PTPRM: variants seen among roughly 807,000 people sequenced by gnomAD.
PTPRM encodes receptor-type tyrosine-protein phosphatase mu.
Under a neutral mutation model 186.7 loss-of-function variants are expected in PTPRM, and 47 were observed. That is an observed-to-expected ratio of 0.25 (90% confidence interval 0.20 to 0.32). PTPRM has a LOEUF of 0.32. PTPRM is among the 10% of genes least tolerant of loss of function. PTPRM has a pLI of 1.00. For synonymous variants in PTPRM, 668 were observed against 674.9 expected (o/e 0.99, Z 0.16); for missense variants, 1,494 against 1,865.0 (o/e 0.80, Z 3.66).
At chr18:7,620,117 G>T (rs999044445) in intron 1 of PTPRM, among the ~76,000 whole-genome samples, 38 of 152,140 alleles carry the variant, frequency 2.5e-4, no homozygotes, top group Non-Finnish European at 8.8e-5. Context: ...GCGGTCCATG[G>T]GTGTTTCCCT....
At chr18:7,949,849 C>T (rs1438964813) in intron 6 of PTPRM, among the ~76,000 whole-genome samples, 1 of 151,932 alleles carries the variant, frequency 6.6e-6, no homozygotes, top group Non-Finnish European at 1.5e-5. Context: ...TTTTGCATGA[C>T]TGAAAAATTG....
chr18:7,860,905 T>G (rs1196493036), intron 2 of PTPRM, among the ~76,000 whole-genome samples: 1 of 152,234 alleles, frequency 6.6e-6, no homozygotes. Context: ...AAATGAATTA[T>G]GCTGACTAGT....
intron 31 of PTPRM, among the ~76,000 whole-genome samples, chr18:8,387,603 G>A (rs2095785036): frequency 6.6e-6 from 1 of 151,994 alleles, no homozygotes; most frequent in Admixed American, 6.5e-5. Flanking sequence ...TTCATCCATG[G>A]TAGAAGGATT....
Position 7,567,783 on chromosome 18 carries a change from C to T in PTPRM, c.-36C>T, listed in dbSNP as rs1334280393. On this transcript the variant is annotated 5_prime_UTR_variant, in exon 1 of 33. Transcript: ENST00000580170. This position sits in a 1 kb window ranked among gnomAD's most constrained non-coding sequence, Gnocchi z 4.3. ...CCTCCGCCCTCGCGCGCCCACCCACCGCCGCCGGGGAGCGGCCCGGCCCGC... is the reference window on the plus strand; with the variant it reads ...CCTCCGCCCTCGCGCGCCCACCCACTGCCGCCGGGGAGCGGCCCGGCCCGC... The T allele has an allele frequency of 1.4e-5, 21 of 1,508,038 alleles. No individual in the cohort carries two copies. The highest frequency in any genetic ancestry group is 5.8e-5 in the African/African-American group (4 of 68,430). 93.4% of individuals were successfully genotyped at this position (1,508,038 alleles called of 1,614,324 possible).
chr18:7,879,833 G>A (rs1206963840), intron 2 of PTPRM, among the ~76,000 whole-genome samples: 1 of 152,168 alleles, frequency 6.6e-6, no homozygotes, highest in Non-Finnish European at 1.5e-5. Flanking sequence ...ATCAGCTGCT[G>A]TCCCTGGTGA....
intron 11 of PTPRM, among the ~76,000 whole-genome samples, chr18:8,111,132 T>C (rs1028892183): frequency 6.6e-6 from 1 of 152,216 alleles, no homozygotes; most frequent in African/African-American, 2.4e-5. Context: ...ACTCTGTGTG[T>C]GTTGGGCACC....
At chr18:8,203,511 T>C (rs918183689) in intron 14 of PTPRM, among the ~76,000 whole-genome samples, 1 of 152,310 alleles carries the variant, frequency 6.6e-6, no homozygotes, top group South Asian at 2.1e-4. Flanking sequence ...ATGAAAAGTT[T>C]AAAAGACATT....
At chr18:7,826,183 G>A (rs745321292) in intron 2 of PTPRM, among the ~76,000 whole-genome samples, 49 of 152,322 alleles carry the variant, frequency 3.2e-4, no homozygotes, top group Middle Eastern at 3.4e-3. Context: ...AAAGCTACAC[G>A]CTGCATATTG....
chr18:7,666,988 T>G (rs1306075883), intron 1 of PTPRM, among the ~76,000 whole-genome samples: 1 of 152,168 alleles, frequency 6.6e-6, no homozygotes, highest in Non-Finnish European at 1.5e-5. Context: ...GTAATTGTTT[T>G]GTATTGAAGC....
At chr18:8,396,709 G>A (rs2095847054) in intron 32 of PTPRM, among the ~76,000 whole-genome samples, 3 of 152,216 alleles carry the variant, frequency 2.0e-5, no homozygotes, top group African/African-American at 7.2e-5. Flanking sequence ...GCAGCAGGTG[G>A]AGGATAAGGT....
intron 14 of PTPRM, among the ~76,000 whole-genome samples, chr18:8,193,836 G>A (rs1369722386): frequency 6.6e-6 from 1 of 152,238 alleles, no homozygotes; most frequent in African/African-American, 2.4e-5. Context: ...TCTGCTATGT[G>A]TCGCTGAACC....
At chr18:7,652,841 C>T (rs1568007001) in intron 1 of PTPRM, among the ~76,000 whole-genome samples, 1 of 151,612 alleles carries the variant, frequency 6.6e-6, no homozygotes, top group Non-Finnish European at 1.5e-5. Flanking sequence ...CAGCATGGCA[C>T]ATGTATACAT....
At chr18:8,264,938 AG>A (rs2094683169) in intron 19 of PTPRM, among the ~76,000 whole-genome samples, 1 of 152,206 alleles carries the variant, frequency 6.6e-6, no homozygotes, top group Admixed American at 6.5e-5. Context: ...CTAGAGTTGC[AG>A]GCAGGCTGGA....
chr18:8,278,314 C>A (rs757578860), intron 19 of PTPRM, among the ~76,000 whole-genome samples: 5 of 152,176 alleles, frequency 3.3e-5, no homozygotes, highest in Admixed American at 6.5e-5. Flanking sequence ...CTAATTTAAC[C>A]TGAGTGCACA....
intron 1 of PTPRM, among the ~76,000 whole-genome samples, chr18:7,715,713 A>G (rs2040313718): frequency 6.6e-6 from 1 of 152,208 alleles, no homozygotes; most frequent in Non-Finnish European, 1.5e-5. Flanking sequence ...TACACCAATA[A>G]TAGACCAACA....
chr18:8,189,287 TCA>T (rs2093680454), intron 14 of PTPRM, among the ~76,000 whole-genome samples: 1 of 79,980 alleles, frequency 1.3e-5, no homozygotes, highest in East Asian at 7.9e-4. Flanking sequence ...AAGACTCGTC[TCA>T]AAAAAAAAAA....
intron 1 of PTPRM, among the ~76,000 whole-genome samples, chr18:7,620,220 C>G (rs56196244): frequency 6.6e-6 from 1 of 152,162 alleles, no homozygotes; most frequent in Non-Finnish European, 1.5e-5. Context: ...ACCACTGTAC[C>G]AGGCATTGGC....
At chr18:7,869,381 G>A (rs562644609) in intron 2 of PTPRM, among the ~76,000 whole-genome samples, 35 of 152,322 alleles carry the variant, frequency 2.3e-4, no homozygotes, top group South Asian at 6.2e-4. Context: ...TGGGAAAAGC[G>A]TAATATCTGA....
chr18:8,342,266 C>A (rs2095479332), intron 22 of PTPRM, among the ~76,000 whole-genome samples: 1 of 152,172 alleles, frequency 6.6e-6, no homozygotes, highest in Non-Finnish European at 1.5e-5. Context: ...TTAAATGCAT[C>A]TTGTTTTCTT....
Sources: allele counts gnomAD v4.1 joint callset (sites outside exome capture counted in the v4.1 genomes callset), GRCh38; gene constraint gnomAD v4.1.1; non-coding constraint Gnocchi (gnomAD v3.1); transcripts MANE v1.5; gene names NCBI Gene and HGNC (gene_info 2026-07-23, HGNC 2026-07-21).